SLC26A7: variants seen among roughly 807,000 people sequenced by gnomAD.
The protein encoded by SLC26A7 is anion exchange transporter.
A neutral mutation model predicts 82.5 loss-of-function variants in SLC26A7; 59 were observed. The observed-to-expected ratio is 0.72, with a 90% CI of 0.58 to 0.89. SLC26A7 has a LOEUF of 0.89. SLC26A7 is among the 40% of genes least tolerant of loss of function. The probability of loss-of-function intolerance (pLI) is 0.00; values close to 1 mark genes in which losing one functional copy is unlikely to be tolerated. For synonymous variants in SLC26A7, 271 were observed against 274.3 expected (o/e 0.99, Z 0.12); for missense variants, 820 against 793.0 (o/e 1.03, Z -0.41).
At chr8:91,217,385 C>G (rs1389703731) in intron 1 of SLC26A7, among the ~76,000 whole-genome samples, 1 of 152,154 alleles carries the variant, frequency 6.6e-6, no homozygotes, top group Non-Finnish European at 1.5e-5. Context: ...TATTTATTAT[C>G]TCTGCATTCC....
At chr8:91,343,564 A>G (rs1259499598) in intron 9 of SLC26A7, 98 bp downstream of exon 9, 7 of 717,264 alleles carry the variant, frequency 9.8e-6, no homozygotes, top group Middle Eastern at 2.5e-4. Flanking sequence ...CCCTGAAACT[A>G]TTTTCACTTA....
At chr8:91,364,889 TATA>T (rs1287511395) in intron 13 of SLC26A7, among the ~76,000 whole-genome samples, 1 of 152,214 alleles carries the variant, frequency 6.6e-6, no homozygotes, top group Admixed American at 6.5e-5. Flanking sequence ...TTAATTTTAC[TATA>T]ATATTACATC....
chr8:91,368,595 T>G (rs1814264919), intron 14 of SLC26A7, among the ~76,000 whole-genome samples: 1 of 152,052 alleles, frequency 6.6e-6, no homozygotes, highest in African/African-American at 2.4e-5. Flanking sequence ...ATTTTTTTTT[T>G]TGTATTTTTA....
chr8:91,374,108 TTCTC>T (rs1175058408), intron 15 of SLC26A7, among the ~76,000 whole-genome samples: 17 of 151,990 alleles, frequency 1.1e-4, no homozygotes, highest in Admixed American at 1.1e-3. Flanking sequence ...TATTTGAATC[TTCTC>T]TCTTTTTTTT....
chr8:91,220,737 T>C (rs1362890087), intron 2 of SLC26A7, among the ~76,000 whole-genome samples: 3 of 152,232 alleles, frequency 2.0e-5, no homozygotes, highest in African/African-American at 7.2e-5. Flanking sequence ...CATATTTTCT[T>C]TATCCATTCT....
At chr8:91,310,975 C>T (rs888555085) in intron 4 of SLC26A7, among the ~76,000 whole-genome samples, 3 of 152,080 alleles carry the variant, frequency 2.0e-5, no homozygotes, top group Non-Finnish European at 4.4e-5. Context: ...TGCTGTAAAA[C>T]TTGTCTCAGT....
At chr8:91,267,839 G>T (rs1189450684) in intron 2 of SLC26A7, among the ~76,000 whole-genome samples, 1 of 151,532 alleles carries the variant, frequency 6.6e-6, no homozygotes, top group Admixed American at 6.6e-5. Context: ...ATAACATTAG[G>T]TTGTTTACTA....
chr8:91,370,807 T>C (rs1289864538), intron 15 of SLC26A7, among the ~76,000 whole-genome samples: 1 of 152,022 alleles, frequency 6.6e-6, no homozygotes, highest in Non-Finnish European at 1.5e-5. Flanking sequence ...AGCATCAGTG[T>C]AGTTAAATTA....
At chr8:91,386,481 G>T (rs1814801887) in intron 15 of SLC26A7, among the ~76,000 whole-genome samples, 1 of 152,024 alleles carries the variant, frequency 6.6e-6, no homozygotes, top group South Asian at 2.1e-4. Context: ...GATAAAAAAG[G>T]ACAAAATTTG....
chr8:91,353,079 A>G, intron 11 of SLC26A7, 83 bp downstream of exon 11: 1 of 898,092 alleles, frequency 1.1e-6, no homozygotes, highest in Non-Finnish European at 1.7e-6. Context: ...TTATTTGCAG[A>G]AAATAGATAT....
rs3086210 is a variant in SLC26A7 at position 91,323,818 on chromosome 8, C to CTTTT, written c.642+5453_642+5456dup. ...TCTTTCCCTTTCTCTTTTTTCTTAT[C>CTTTT]TTTTTTTTTTTTTTTTTTGAGACAT... is the stretch of plus-strand genomic sequence containing the variant. On this transcript the variant is annotated intron_variant, in intron 5 of 18. Coordinates refer to ENST00000276609, the MANE Select transcript of SLC26A7 (RefSeq NM_052832.4). Among the ~76,000 whole-genome samples, 46 of 117,092 alleles carry CTTTT rather than the reference C, an allele frequency of 3.9e-4. No individual in the cohort carries two copies. In the East Asian group the frequency reaches 8.2e-3, roughly 21 times the overall value. 76.8% of individuals were successfully genotyped at this position (117,092 alleles called of 152,430 possible).
intron 2 of SLC26A7, among the ~76,000 whole-genome samples, chr8:91,222,995 A>G (rs1301715914): frequency 6.6e-6 from 1 of 152,078 alleles, no homozygotes; most frequent in Non-Finnish European, 1.5e-5. Context: ...ACTATTAATT[A>G]CTGCTTCAAT....
intron 4 of SLC26A7, among the ~76,000 whole-genome samples, chr8:91,297,435 C>T (rs545404705): frequency 1.3e-4 from 20 of 151,474 alleles, no homozygotes; most frequent in Non-Finnish European, 2.8e-4. Context: ...CTCATTTCCC[C>T]GAATGAAACT....
At chr8:91,394,210 T>C in intron 18 of SLC26A7, 171 bp downstream of exon 18, 1 of 1,591,424 alleles carries the variant, frequency 6.3e-7, no homozygotes, top group Non-Finnish European at 8.5e-7. Flanking sequence ...TTTCCATTCT[T>C]TTTTTAGGCC....
At chr8:91,335,476 T>G (rs1304200537) in intron 6 of SLC26A7, among the ~76,000 whole-genome samples, 1 of 152,178 alleles carries the variant, frequency 6.6e-6, no homozygotes, top group Non-Finnish European at 1.5e-5. Flanking sequence ...GCAACAACTG[T>G]GAAACATACC....
chr8:91,390,378 A>C (rs1814929155), intron 16 of SLC26A7, among the ~76,000 whole-genome samples: 1 of 151,980 alleles, frequency 6.6e-6, no homozygotes. Context: ...TGGCCTCCCA[A>C]AGTGCTGGGA....
intron 5 of SLC26A7, among the ~76,000 whole-genome samples, chr8:91,319,780 T>C (rs539631904): frequency 1.1e-4 from 17 of 152,260 alleles, no homozygotes; most frequent in Non-Finnish European, 1.9e-4. Context: ...ACATGTGCAG[T>C]TTAAGGAAAT....
chr8:91,238,116 C>T (rs377151628), intron 2 of SLC26A7, among the ~76,000 whole-genome samples: 3 of 152,040 alleles, frequency 2.0e-5, no homozygotes, highest in East Asian at 3.8e-4. Context: ...TTGAATCTTT[C>T]CTTTTGATTT....
chr8:91,273,037 T>TG (rs1438869324), intron 2 of SLC26A7, among the ~76,000 whole-genome samples: 1 of 152,110 alleles, frequency 6.6e-6, no homozygotes, highest in Non-Finnish European at 1.5e-5. Context: ...AATATAAGGG[T>TG]GAAAAAAAGA....
Sources: gnomAD v4.1 joint callset for allele counts (sites outside exome capture counted in the v4.1 genomes callset) on GRCh38, gnomAD v4.1.1 for gene constraint, MANE v1.5 for transcripts, NCBI Gene and HGNC (gene_info 2026-07-23, HGNC 2026-07-21) for gene names.